Variants in P2RY2 observed in about 807,000 individuals in gnomAD.
P2RY2 encodes the protein P2Y purinoceptor 2.
For synonymous variants in P2RY2, 241 were observed against 231.9 expected (o/e 1.04, Z -0.35); for missense variants, 567 against 515.7 (o/e 1.10, Z -0.96).
chr11:73,231,817 A>C (rs1862467791), intron 2 of P2RY2, among the ~76,000 whole-genome samples: 1 of 152,146 alleles, frequency 6.6e-6, no homozygotes, highest in Non-Finnish European at 1.5e-5. Context: ...TGAGAGACTA[A>C]GGCGGGCAGA....
rs1473647318 is a variant in P2RY2, at chr11:73,236,431, G to A, written c.*1138G>A. On this transcript the variant is annotated 3_prime_UTR_variant, in exon 3 of 3. Transcript: ENST00000393597. The stretch of plus-strand genomic sequence containing the variant: ...CACCACTGGATAATGCCGAGTGGCT[G>A]GGGCTGTGAGCCAGGGGGTCAGGGA... 1.4e-5 allele frequency: 7 copies of A among 512,948 alleles called. No individual in the cohort carries two copies. Among genetic ancestry groups the A allele is most frequent in the Non-Finnish European group, 1.8e-5 (7 of 391,576 alleles). 31.8% of individuals were successfully genotyped at this position (512,948 alleles called of 1,614,324 possible). A position where few individuals can be genotyped will look rare whatever the true frequency, so the allele number is the denominator to read the frequency against.
intron 1 of P2RY2, among the ~76,000 whole-genome samples, chr11:73,223,910 C>T (rs1254533107): frequency 2.0e-5 from 3 of 152,196 alleles, no homozygotes; most frequent in Admixed American, 2.0e-4. Flanking sequence ...CTTTAGAGGT[C>T]TTGGCTTTCT....
chr11:73,236,705 A>G lies in P2RY2; in HGVS notation c.*1412A>G, dbSNP rs1312866327. 2.0e-6 allele frequency: 2 copies of G among 985,218 alleles called. No individual in the cohort carries two copies. Among genetic ancestry groups the G allele is most frequent in the Non-Finnish European group, 2.4e-6 (2 of 829,904 alleles). The allele number at this position is 985,218 out of a possible 1,614,324, so 61.0% of individuals were successfully genotyped here. ...GGCTTCCTTTGCACTGGGGGTAAAT[A>G]TGAAAGAGATTCACTCCTCCTCCTG... On this transcript the variant is annotated 3_prime_UTR_variant, in exon 3 of 3. Transcript: ENST00000393597.
chr11:73,231,046 T>C (rs1244810156), intron 2 of P2RY2, among the ~76,000 whole-genome samples: 1 of 152,138 alleles, frequency 6.6e-6, no homozygotes, highest in Non-Finnish European at 1.5e-5. Context: ...CTCAGCCACT[T>C]GACCTGCCAG....
intron 1 of P2RY2, 165 bp downstream of exon 1, chr11:73,218,597 G>A (rs1862030576): frequency 6.6e-6 from 1 of 152,298 alleles, no homozygotes; most frequent in Non-Finnish European, 1.5e-5. Flanking sequence ...ATAACTGGAC[G>A]GCTTGAACGC....
intron 1 of P2RY2, among the ~76,000 whole-genome samples, chr11:73,226,769 C>T (rs1287797427): frequency 9.9e-5 from 15 of 152,178 alleles, no homozygotes; most frequent in African/African-American, 3.6e-4. Context: ...CTCCCTGAAA[C>T]CCTGTGCTTG....
At chr11:73,227,332 C>T (rs987816699) in intron 1 of P2RY2, among the ~76,000 whole-genome samples, 2 of 151,790 alleles carry the variant, frequency 1.3e-5, no homozygotes, top group African/African-American at 4.8e-5. Context: ...CATTTTAGGC[C>T]CTGATGGTCT....
chr11:73,234,111 G>C lies in P2RY2; in HGVS notation c.-4-45G>C, dbSNP rs745729568. The C allele has an allele frequency of 1.9e-6, 3 of 1,554,576 alleles. No homozygotes were observed. In the East Asian group the frequency reaches 6.8e-5, roughly 35 times the overall value. On this transcript the variant is annotated intron_variant, in intron 2 of 2. Coordinates refer to ENST00000393597, the MANE Select transcript of P2RY2 (RefSeq NM_002564.4). ...TGGCTGTGTCAGGTCCCCTAGGGGC[G>C]CTCCGGCCACAACCCTGATGGCCCC...
At chr11:73,226,019 C>T (rs983532110) in intron 1 of P2RY2, among the ~76,000 whole-genome samples, 2 of 152,188 alleles carry the variant, frequency 1.3e-5, no homozygotes, top group Non-Finnish European at 2.9e-5. Context: ...GAAAGGTGGA[C>T]AGACGGGGCA....
chr11:73,227,723 G>C (rs1862319778), intron 1 of P2RY2, among the ~76,000 whole-genome samples: 1 of 152,172 alleles, frequency 6.6e-6, no homozygotes, highest in African/African-American at 2.4e-5. Context: ...ACAGGACATG[G>C]GGGAGACCTT....
At chr11:73,219,009 C>T (rs1022881761) in intron 1 of P2RY2, among the ~76,000 whole-genome samples, 8 of 152,110 alleles carry the variant, frequency 5.3e-5, no homozygotes, top group Non-Finnish European at 1.0e-4. Context: ...GCAAATGGTG[C>T]GGTAGAAAGG....
intron 1 of P2RY2, among the ~76,000 whole-genome samples, chr11:73,222,235 G>A (rs1486342250): frequency 2.0e-5 from 3 of 152,110 alleles, no homozygotes; most frequent in Non-Finnish European, 4.4e-5. Flanking sequence ...GCCTCTGGGT[G>A]TCGACCTGGC....
chr11:73,235,819 C>A lies in P2RY2; in HGVS notation c.*526C>A. On this transcript the variant is annotated 3_prime_UTR_variant, in exon 3 of 3. Coordinates refer to ENST00000393597, the MANE Select transcript of P2RY2 (RefSeq NM_002564.4). ...GGTGGACTTAGCTCTGAGGAGTACC[C>A]CCAGCCCAAGAGATGAACATCTGGG... The A allele has an allele frequency of 1.1e-5, 11 of 1,000,838 alleles. No homozygotes were observed. The highest frequency in any genetic ancestry group is 1.3e-5 in the Non-Finnish European group (11 of 830,510). 62.0% of individuals were successfully genotyped at this position (1,000,838 alleles called of 1,614,324 possible). A position where few individuals can be genotyped will look rare whatever the true frequency, so the allele number is the denominator to read the frequency against.
At chr11:73,233,604 G>C (rs139687873) in intron 2 of P2RY2, among the ~76,000 whole-genome samples, 8 of 152,366 alleles carry the variant, frequency 5.3e-5, no homozygotes, top group African/African-American at 1.9e-4. Flanking sequence ...GTTCTAGAGA[G>C]GGGTAAGAAA....
rs1367762251 is a variant in P2RY2 at position 73,238,075 on chromosome 11, G to A, written c.*2782G>A. On this transcript the variant is annotated 3_prime_UTR_variant, in exon 3 of 3. Transcript: ENST00000393597. ...TTATCCAGCCCAGCTGCAGACTCAA[G>A]GCCAGAGATGGGCAGGGCTGAGCCC... 6.6e-6 allele frequency among the ~76,000 whole-genome samples: 1 copy of A among 152,216 alleles called. No individual in the cohort carries two copies. The highest frequency in any genetic ancestry group is 1.5e-5 in the Non-Finnish European group (1 of 68,044).
At position 73,238,016 on chromosome 11, in the gene P2RY2, G is replaced by A. The variant is rs1303415512; in HGVS notation, c.*2723G>A. On this transcript the variant is annotated 3_prime_UTR_variant, in exon 3 of 3. Transcript: ENST00000393597. Reference sequence around the variant, plus strand: ...CATGAAGGCCACTGTGAAAGGGCACGTGAGTTGCCCATCCACTGAGCAGAC... The same window carrying A: ...CATGAAGGCCACTGTGAAAGGGCACATGAGTTGCCCATCCACTGAGCAGAC... 1.3e-5 allele frequency among the ~76,000 whole-genome samples: 2 copies of A among 152,212 alleles called. No individual in the cohort carries two copies. Among genetic ancestry groups the A allele is most frequent in the African/African-American group, 4.8e-5 (2 of 41,442 alleles).
rs1462025001 is a variant in P2RY2, at chr11:73,238,733, C to T, written c.*3440C>T. Among the ~76,000 whole-genome samples, 1 of 152,204 alleles carries T rather than the reference C, an allele frequency of 6.6e-6. No homozygotes were observed. Among genetic ancestry groups the T allele is most frequent in the Non-Finnish European group, 1.5e-5 (1 of 68,036 alleles). ...AAGTGAGGACTTGTTCCAGGTTATC[C>T]AGGCTGTCAGGGTGAGTCAGAGTGA... On this transcript the variant is annotated 3_prime_UTR_variant, in exon 3 of 3. Coordinates refer to ENST00000393597, the MANE Select transcript of P2RY2 (RefSeq NM_002564.4).
At chr11:73,224,039 T>G (rs1291848941) in intron 1 of P2RY2, among the ~76,000 whole-genome samples, 3 of 152,038 alleles carry the variant, frequency 2.0e-5, no homozygotes, top group Non-Finnish European at 4.4e-5. Context: ...AGAGAACATC[T>G]GGGAGGGGGT....
At position 73,234,503 on chromosome 11, in the gene P2RY2, C is replaced by G; in HGVS notation, c.344C>G (p.Thr115Ser). 6.2e-7 allele frequency: 1 copy of G among 1,613,552 alleles called. No homozygotes were observed. Among genetic ancestry groups the G allele is most frequent in the Non-Finnish European group, 8.5e-7 (1 of 1,179,622 alleles). The change falls in exon 3 of 3, where the codon ACC becomes AGC. Residue 115 changes from threonine (T) to serine (S), a missense_variant. Thr to Ser is a moderately conservative substitution (Grantham distance 58). Transcript: ENST00000393597. The part of the protein sequence containing the change: ...LCKLVRFLFY[T>S]NLYCSILFLT... ...AAGCTGGTGCGCTTCCTCTTCTACA[C>G]CAACCTTTACTGCAGCATCCTCTTC... is the stretch of plus-strand genomic sequence containing the variant.
Sources: gnomAD v4.1 joint callset for allele counts (sites outside exome capture counted in the v4.1 genomes callset) on GRCh38, gnomAD v4.1.1 for gene constraint, MANE v1.5 for transcripts, NCBI Gene and HGNC (gene_info 2026-07-23, HGNC 2026-07-21) for gene names.